Variants in CDH13 observed in about 807,000 individuals in gnomAD.
CDH13 encodes cadherin-13.
CDH13 carries 24 observed loss-of-function variants against 63.8 expected under a neutral mutation model. The observed-to-expected ratio is 0.38, with a 90% confidence interval of 0.27 to 0.53. The LOEUF (loss-of-function observed/expected upper bound fraction) is 0.53, where lower values mean the gene tolerates loss of function less well. Among genes scored for constraint, CDH13 ranks in the 20% least tolerant of loss-of-function variants. CDH13 has a pLI of 0.85. For synonymous variants in CDH13, 503 were observed against 355.3 expected (o/e 1.42, Z -4.67); for missense variants, 1,049 against 903.1 (o/e 1.16, Z -2.07).
chr16:83,217,089 C>T (rs187510678), intron 4 of CDH13, among the ~76,000 whole-genome samples: 47 of 152,286 alleles, frequency 3.1e-4, no homozygotes, highest in Admixed American at 2.8e-3. Context: ...TTATTGCCCT[C>T]CTTGATCCAT....
At chr16:82,852,241 G>T (rs1352396697) in intron 1 of CDH13, among the ~76,000 whole-genome samples, 1 of 152,180 alleles carries the variant, frequency 6.6e-6, no homozygotes, top group African/African-American at 2.4e-5. Flanking sequence ...GATGTCAGTG[G>T]TATCAAAGAC....
Position 82,695,032 on chromosome 16 carries a change from C to G in CDH13, c.45+67895C>G, listed in dbSNP as rs760774233. ...GTGGAGACAGGAGGCAGTGGAGGAGCTAAGTATCCCAAGGTGGAGGAGGCA... is the reference window on the plus strand; with the variant it reads ...GTGGAGACAGGAGGCAGTGGAGGAGGTAAGTATCCCAAGGTGGAGGAGGCA... On this transcript the variant is annotated intron_variant, in intron 1 of 13. Coordinates refer to ENST00000567109, the MANE Select transcript of CDH13 (RefSeq NM_001257.5). 3.9e-5 allele frequency among the ~76,000 whole-genome samples: 6 copies of G among 152,000 alleles called. No individual in the cohort carries two copies. In the East Asian group the frequency reaches 5.8e-4, roughly 15 times the overall value.
At chr16:83,066,625 C>G (rs1033125648) in intron 3 of CDH13, among the ~76,000 whole-genome samples, 11 of 152,184 alleles carry the variant, frequency 7.2e-5, no homozygotes, top group Non-Finnish European at 1.2e-4. Flanking sequence ...TTTTCTGTCT[C>G]TGTATAAAGC....
In CDH13 at chr16:82,642,788, A is replaced by G. The variant is rs181953134; in HGVS notation, c.45+15651A>G. On this transcript the variant is annotated intron_variant, in intron 1 of 13. Transcript: ENST00000567109. Reference sequence around the variant, plus strand: ...GGCCTGGTGTGAGTGCTTCAGATGCATTAATCAGCACATGTAATCCTCATA... The same window carrying G: ...GGCCTGGTGTGAGTGCTTCAGATGCGTTAATCAGCACATGTAATCCTCATA... 9.4e-3 allele frequency among the ~76,000 whole-genome samples: 1,433 copies of G among 152,312 alleles called. 14 individuals carry two copies. Among genetic ancestry groups the G allele is most frequent in the Non-Finnish European group, 0.013 (909 of 68,036 alleles).
chr16:83,756,686 A>T (rs1340274837), intron 11 of CDH13, among the ~76,000 whole-genome samples: 1 of 152,232 alleles, frequency 6.6e-6, no homozygotes, highest in African/African-American at 2.4e-5. Flanking sequence ...AAGAAACATG[A>T]CAAGAGGTAA....
chr16:83,227,223 T>G (rs1354246071), intron 5 of CDH13, among the ~76,000 whole-genome samples: 1 of 152,128 alleles, frequency 6.6e-6, no homozygotes. Flanking sequence ...GATTACACAG[T>G]TGGAAAGAGA....
chr16:83,715,518 C>T (rs1053032607), intron 10 of CDH13, among the ~76,000 whole-genome samples: 6 of 152,160 alleles, frequency 3.9e-5, no homozygotes, highest in Non-Finnish European at 7.3e-5. Context: ...GCAGCAGCAG[C>T]GTTAGTAAAA....
At chr16:83,651,451 A>G (rs1912365019) in intron 8 of CDH13, among the ~76,000 whole-genome samples, 1 of 152,112 alleles carries the variant, frequency 6.6e-6, no homozygotes, top group African/African-American at 2.4e-5. Context: ...ATTATTATTA[A>G]TTATTCCCAT....
chr16:83,229,297 C>T (rs1367510118), intron 5 of CDH13, among the ~76,000 whole-genome samples: 1 of 152,168 alleles, frequency 6.6e-6, no homozygotes, highest in Non-Finnish European at 1.5e-5. Flanking sequence ...GAAAAGAGAT[C>T]AAAGAGAAAA....
chr16:82,931,552 C>G (rs2042494381), intron 2 of CDH13, among the ~76,000 whole-genome samples: 1 of 149,238 alleles, frequency 6.7e-6, no homozygotes, highest in Non-Finnish European at 1.5e-5. Context: ...ATTAAGATGG[C>G]CTTAGGTATT....
At chr16:83,205,801 C>T (rs934877753) in intron 4 of CDH13, among the ~76,000 whole-genome samples, 1 of 151,952 alleles carries the variant, frequency 6.6e-6, no homozygotes, top group African/African-American at 2.4e-5. Context: ...GACGGGGTTT[C>T]ATTATGTTGG....
chr16:83,100,475 C>G (rs1447366992), intron 3 of CDH13, among the ~76,000 whole-genome samples: 1 of 152,120 alleles, frequency 6.6e-6, no homozygotes, highest in African/African-American at 2.4e-5. Flanking sequence ...GGTTTAGAGA[C>G]AAGATAGAAA....
chr16:83,383,592 T>C (rs1197133503), intron 6 of CDH13, among the ~76,000 whole-genome samples: 3 of 152,234 alleles, frequency 2.0e-5, no homozygotes, highest in Non-Finnish European at 4.4e-5. Context: ...TCATTTATTT[T>C]TTATATCAGA....
At chr16:83,519,133 T>C (rs2074770194) in intron 7 of CDH13, among the ~76,000 whole-genome samples, 1 of 152,196 alleles carries the variant, frequency 6.6e-6, no homozygotes, top group African/African-American at 2.4e-5. Context: ...TTATAGGGAC[T>C]GGGACACACT....
chr16:82,681,891 G>A (rs1914589144), intron 1 of CDH13, among the ~76,000 whole-genome samples: 2 of 152,188 alleles, frequency 1.3e-5, no homozygotes, highest in Admixed American at 6.5e-5. Context: ...GCTCCCAGAG[G>A]CCCCAGCCCG....
chr16:83,556,867 C>T (rs4782816), intron 7 of CDH13, among the ~76,000 whole-genome samples: 54,478 of 152,048 alleles, frequency 0.36, 9,940 homozygotes, highest in East Asian at 0.46. Context: ...CGTTGAAGCG[C>T]CTCCTGGGCT....
intron 5 of CDH13, among the ~76,000 whole-genome samples, chr16:83,264,801 T>C (rs951269108): frequency 1.3e-5 from 2 of 152,046 alleles, no homozygotes; most frequent in South Asian, 2.1e-4. Flanking sequence ...AATTATACTA[T>C]CATCATACTA....
At chr16:82,911,055 AC>A (rs2041813576) in intron 2 of CDH13, among the ~76,000 whole-genome samples, 1 of 152,130 alleles carries the variant, frequency 6.6e-6, no homozygotes, top group Admixed American at 6.5e-5. Flanking sequence ...GACCCATCCC[AC>A]CTGGGCTGTA....
chr16:82,655,202 A>T (rs557823627), intron 1 of CDH13, among the ~76,000 whole-genome samples: 2 of 152,376 alleles, frequency 1.3e-5, no homozygotes, highest in African/African-American at 4.8e-5. Flanking sequence ...TCCTATCTTC[A>T]TGGAGCTATT....
Sources: gnomAD v4.1 joint callset for allele counts (sites outside exome capture counted in the v4.1 genomes callset) on GRCh38, gnomAD v4.1.1 for gene constraint, MANE v1.5 for transcripts, NCBI Gene and HGNC (gene_info 2026-07-23, HGNC 2026-07-21) for gene names.